The following MYCBP2 variants were observed in gnomAD, a reference collection of about 807,000 sequenced individuals.
MYCBP2 encodes MYC binding protein 2, also known as E3 ubiquitin-protein ligase MYCBP2.
Under a neutral mutation model 525.3 loss-of-function variants are expected in MYCBP2, and 120 were observed. The observed-to-expected ratio is 0.23, with a 90% confidence interval of 0.20 to 0.27. The LOEUF (loss-of-function observed/expected upper bound fraction) is 0.27. MYCBP2 is among the 10% of genes least tolerant of loss of function. The pLI, the probability that MYCBP2 is intolerant of heterozygous loss-of-function variation, is 1.00. For missense variants in MYCBP2, 4,149 were observed against 5,657.1 expected (o/e 0.73, Z 8.55); for synonymous variants, 1,894 against 1,955.8 (o/e 0.97, Z 0.83).
chr13:77,180,258 T>C lies in MYCBP2; in HGVS notation c.5002A>G (p.Ile1668Val). ...FREVLEKMLV[I>V]VVLPVRNSLR... ...CTGTTCCTGACTGGTAGCACAACAA[T>C]GACCAGCATTTTCTCCAGAACTTCA... The change falls in exon 34 of 83, where the codon ATT becomes GTT. Residue 1668 changes from isoleucine to valine, a missense_variant. Transcript: ENST00000544440. 2 of 1,614,190 alleles carry C rather than the reference T, an allele frequency of 1.2e-6. No homozygotes were observed. The highest frequency in any genetic ancestry group is 1.7e-6 in the Non-Finnish European group (2 of 1,180,018).
At chr13:77,263,521 T>C (rs1453718554) in intron 10 of MYCBP2, 130 bp downstream of exon 10, 1 of 657,982 alleles carries the variant, frequency 1.5e-6, no homozygotes, top group Non-Finnish European at 2.5e-6. Context: ...TTATCCTTTA[T>C]ATTAATAGTA....
chr13:77,172,089 T>C (rs563160686), intron 37 of MYCBP2, among the ~76,000 whole-genome samples: 7 of 152,196 alleles, frequency 4.6e-5, no homozygotes, highest in African/African-American at 1.7e-4. Context: ...TTAGTAGAGA[T>C]GGGGTTTCAC....
chr13:77,224,280 A>G (rs1300243805), intron 20 of MYCBP2, among the ~76,000 whole-genome samples, 171 bp downstream of exon 20: 3 of 152,190 alleles, frequency 2.0e-5, no homozygotes, highest in Non-Finnish European at 4.4e-5. Flanking sequence ...GCACTCAACC[A>G]TAAGATCAGA....
chr13:77,322,640 A>G (rs2081812639), intron 1 of MYCBP2, among the ~76,000 whole-genome samples: 2 of 152,232 alleles, frequency 1.3e-5, no homozygotes, highest in South Asian at 4.1e-4. Flanking sequence ...TGATAACACT[A>G]CAAAGTTACA....
intron 48 of MYCBP2, 28 bp from the exon 49 acceptor site, chr13:77,144,588 A>T: frequency 6.7e-7 from 1 of 1,501,556 alleles, no homozygotes; most frequent in African/African-American, 1.4e-5. Flanking sequence ...GGATATTGGA[A>T]ATTTTACTTT....
intron 55 of MYCBP2, among the ~76,000 whole-genome samples, chr13:77,108,263 T>C (rs552118747): frequency 1.3e-5 from 2 of 152,342 alleles, no homozygotes; most frequent in East Asian, 3.9e-4. Context: ...ACTCATAGCA[T>C]ATTATTGAAT....
At chr13:77,246,505 G>C (rs1385306711) in intron 15 of MYCBP2, among the ~76,000 whole-genome samples, 1 of 150,892 alleles carries the variant, frequency 6.6e-6, no homozygotes, top group Non-Finnish European at 1.5e-5. Flanking sequence ...AGAAGGAAAA[G>C]AAGGAGAAGG....
At chr13:77,097,347 G>A (rs776774714) in intron 56 of MYCBP2, 23 bp downstream of exon 56, 27 of 1,567,250 alleles carry the variant, frequency 1.7e-5, no homozygotes, top group Middle Eastern at 1.7e-4. Context: ...GCACTTATAC[G>A]TACATTCAAC....
chr13:77,294,114 A>ATATATATATATATATATATATG (rs1555465600), intron 2 of MYCBP2, among the ~76,000 whole-genome samples: 1 of 55,404 alleles, frequency 1.8e-5, no homozygotes, highest in East Asian at 4.9e-4. Flanking sequence ...CTATATATAT[A>ATATATATATATATATATATATG]TATATATATA....
At chr13:77,130,184 G>A (rs188979880) in intron 52 of MYCBP2, among the ~76,000 whole-genome samples, 5 of 151,296 alleles carry the variant, frequency 3.3e-5, no homozygotes, top group African/African-American at 9.7e-5. Context: ...TATGATAAAC[G>A]GTTATTTTGA....
chr13:77,113,416 G>GTT (rs889539731), intron 55 of MYCBP2, among the ~76,000 whole-genome samples: 3 of 146,472 alleles, frequency 2.0e-5, no homozygotes, highest in Admixed American at 6.8e-5. Flanking sequence ...ATGGTTTTTT[G>GTT]TTTTTTTTTT....
intron 20 of MYCBP2, among the ~76,000 whole-genome samples, chr13:77,223,177 C>T (rs766357363): frequency 3.9e-5 from 6 of 152,166 alleles, no homozygotes; most frequent in Non-Finnish European, 5.9e-5. Context: ...TTTGGATGCA[C>T]GAGGACATTC....
intron 76 of MYCBP2, among the ~76,000 whole-genome samples, chr13:77,060,348 C>T (rs2039045031): frequency 6.6e-6 from 1 of 152,142 alleles, no homozygotes. Context: ...TTTATTAATG[C>T]AGTATACAGC....
intron 26 of MYCBP2, among the ~76,000 whole-genome samples, chr13:77,198,261 T>G (rs188977845): frequency 2.6e-5 from 4 of 152,236 alleles, no homozygotes; most frequent in Non-Finnish European, 4.4e-5. Flanking sequence ...CATATAACTA[T>G]AGGAGCTTTA....
chr13:77,113,313 A>G (rs1032582313), intron 55 of MYCBP2, among the ~76,000 whole-genome samples: 4 of 152,166 alleles, frequency 2.6e-5, no homozygotes, highest in South Asian at 2.1e-4. Context: ...TCCTGTGACT[A>G]CTGCTCTTGT....
At position 77,277,181 on chromosome 13, in the gene MYCBP2, G is replaced by A. The variant is rs541138735; in HGVS notation, c.748+1577C>T. On this transcript the variant is annotated intron_variant, in intron 4 of 82. Transcript: ENST00000544440. ...TAGGAAATACGACATCCAAGTCTTC[G>A]CGGGTATTTCAACATTCCAATTATT... Among the ~76,000 whole-genome samples, 98 of 152,174 alleles carry A rather than the reference G, an allele frequency of 6.4e-4. No homozygotes were observed. The Middle Eastern group carries it at 0.01, about 16-fold the overall frequency.
chr13:77,147,634 C>G (rs1425487017), intron 47 of MYCBP2, among the ~76,000 whole-genome samples: 2 of 151,994 alleles, frequency 1.3e-5, no homozygotes, highest in Non-Finnish European at 2.9e-5. Flanking sequence ...TCAAAAGTTA[C>G]ACATGAGAAA....
At chr13:77,164,673 G>A (rs1372916724) in intron 42 of MYCBP2, 132 bp from the exon 43 acceptor site, 1 of 661,382 alleles carries the variant, frequency 1.5e-6, no homozygotes, top group Non-Finnish European at 2.7e-6. Context: ...TGGTTAAATT[G>A]AGAGTAGATG....
intron 71 of MYCBP2, among the ~76,000 whole-genome samples, chr13:77,067,287 T>C (rs759871362): frequency 1.3e-5 from 2 of 152,198 alleles, no homozygotes; most frequent in Non-Finnish European, 2.9e-5. Flanking sequence ...CAAAAAAACA[T>C]ATTACCTAAA....
Sources: gnomAD v4.1 joint callset for allele counts (sites outside exome capture counted in the v4.1 genomes callset) on GRCh38, gnomAD v4.1.1 for gene constraint, MANE v1.5 for transcripts, NCBI Gene and HGNC (gene_info 2026-07-23, HGNC 2026-07-21) for gene names.